CBL: variants seen among roughly 807,000 people sequenced by gnomAD.
CBL encodes the protein E3 ubiquitin-protein ligase CBL.
In CBL, 45 loss-of-function variants were observed where a neutral mutation model predicts 96.9. The observed-to-expected ratio is 0.46, with a 90% CI of 0.37 to 0.60. The LOEUF is 0.60. CBL is among the 20% of genes least tolerant of loss of function. The pLI is 0.00. For missense variants in CBL, 1,024 were observed against 1,143.5 expected (o/e 0.90, Z 1.51); for synonymous variants, 420 against 426.8 (o/e 0.98, Z 0.20).
At chr11:119,292,674 C>G (rs1165822720) in intron 12 of CBL, among the ~76,000 whole-genome samples, 1 of 152,192 alleles carries the variant, frequency 6.6e-6, no homozygotes, top group Non-Finnish European at 1.5e-5. Context: ...CCCGCCTTGG[C>G]CTCCCAAAGT....
At position 119,210,603 on chromosome 11, in the gene CBL, A is replaced by ATTT. The variant is rs768564444; in HGVS notation, c.195+4014_195+4016dup. Among the ~76,000 whole-genome samples the ATTT allele has an allele frequency of 4.6e-3, 456 of 98,622 alleles. 2 individuals are homozygous for ATTT. The highest frequency in any genetic ancestry group is 6.5e-3 in the Non-Finnish European group (341 of 52,444). The allele number at this position is 98,622 out of a possible 152,430, so 64.7% of individuals were successfully genotyped here. On this transcript the variant is annotated intron_variant, in intron 1 of 15. Transcript: ENST00000264033. ...GCCACCACACCTGGCTAATTTTTCAATTTTTTTTTTTTTTTTTTTTTTTTT... is the reference window on the plus strand; with the variant it reads ...GCCACCACACCTGGCTAATTTTTCAATTTTTTTTTTTTTTTTTTTTTTTTTTTT...
intron 2 of CBL, among the ~76,000 whole-genome samples, chr11:119,255,491 T>C (rs942626874): frequency 2.6e-5 from 4 of 152,214 alleles, no homozygotes; most frequent in African/African-American, 9.7e-5. Context: ...TTTGCAAAGT[T>C]AAACCATCCT....
intron 2 of CBL, among the ~76,000 whole-genome samples, chr11:119,267,209 C>G (rs188241191): frequency 8.5e-5 from 13 of 152,158 alleles, no homozygotes; most frequent in African/African-American, 2.4e-4. Flanking sequence ...GAAATGTAAG[C>G]AGGCTTTTTG....
chr11:119,230,100 T>C (rs1188634947), intron 1 of CBL, among the ~76,000 whole-genome samples: 1 of 152,004 alleles, frequency 6.6e-6, no homozygotes, highest in Non-Finnish European at 1.5e-5. Flanking sequence ...TATTTAAATA[T>C]CTCAAAAAAG....
At chr11:119,258,058 G>A (rs57550282) in intron 2 of CBL, among the ~76,000 whole-genome samples, 7 of 151,890 alleles carry the variant, frequency 4.6e-5, no homozygotes, top group Non-Finnish European at 7.4e-5. Flanking sequence ...GAAACCCCCT[G>A]TCTACCAAAA....
chr11:119,208,536 C>T (rs568532435), intron 1 of CBL, among the ~76,000 whole-genome samples: 8 of 151,818 alleles, frequency 5.3e-5, no homozygotes, highest in South Asian at 2.1e-4. Context: ...ATTACAGGTG[C>T]GCGCCACCAC....
intron 2 of CBL, among the ~76,000 whole-genome samples, chr11:119,246,605 C>T (rs1949633842): frequency 6.6e-6 from 1 of 152,154 alleles, no homozygotes; most frequent in Non-Finnish European, 1.5e-5. Context: ...ACGTGTGCCA[C>T]CACACCTGGC....
intron 2 of CBL, among the ~76,000 whole-genome samples, chr11:119,240,424 T>A (rs1949577020): frequency 6.6e-6 from 1 of 152,246 alleles, no homozygotes; most frequent in Non-Finnish European, 1.5e-5. Flanking sequence ...TCTCTTTGAT[T>A]CTTCTGGTAT....
At position 119,278,239 on chromosome 11, in the gene CBL, A is replaced by T. The variant is rs763058208; in HGVS notation, c.1169A>T (p.Asp390Val). Reference sequence around the variant, plus strand: ...AAAATATGTGCTGAAAATGATAAGGATGTAAAGATTGAGCCCTGTGGACAC... The same window carrying T: ...AAAATATGTGCTGAAAATGATAAGGTTGTAAAGATTGAGCCCTGTGGACAC... ...LCKICAENDK[D>V]VKIEPCGHLM... is the part of the protein sequence containing the mutation. The change falls in exon 8 of 16, where the codon GAT becomes GTT. Residue 390 changes from aspartate to valine, a missense_variant. Asp to Val is a radical substitution (Grantham distance 152). Transcript: ENST00000264033. 6.2e-7 allele frequency: 1 copy of T among 1,613,256 alleles called. No homozygotes were observed. The highest frequency in any genetic ancestry group is 8.5e-7 in the Non-Finnish European group (1 of 1,179,260).
intron 2 of CBL, among the ~76,000 whole-genome samples, chr11:119,251,767 A>G (rs537533051): frequency 7.9e-5 from 12 of 152,334 alleles, no homozygotes; most frequent in African/African-American, 2.9e-4. Context: ...CTACGGTATT[A>G]TAGAGAAGTA....
chr11:119,252,768 A>G (rs1227873551), intron 2 of CBL, among the ~76,000 whole-genome samples: 6 of 84 alleles, frequency 0.071, no homozygotes, highest in African/African-American at 0.25. Flanking sequence ...AATCTCAGCT[A>G]CTTGGGAGGG....
Position 119,301,553 on chromosome 11 carries a change from A to G in CBL, c.*1772A>G, listed in dbSNP as rs1950101939. ...TTCTTTCCAGTCTAATCATCTTTGG[A>G]ACTAAAACTTGTTCTAACTCGTCTC... On this transcript the variant is annotated 3_prime_UTR_variant, in exon 16 of 16. Transcript: ENST00000264033. The G allele has an allele frequency of 8.6e-6, 2 of 233,280 alleles. No homozygotes were observed. Among genetic ancestry groups the G allele is most frequent in the Non-Finnish European group, 1.7e-5 (2 of 118,040 alleles). 14.5% of individuals were successfully genotyped at this position (233,280 alleles called of 1,614,324 possible).
At position 119,299,585 on chromosome 11, in the gene CBL, A is replaced by G; in HGVS notation, c.2525A>G (p.Gln842Arg). 1 of 1,614,188 alleles carries G rather than the reference A, an allele frequency of 6.2e-7. No homozygotes were observed. The highest frequency in any genetic ancestry group is 8.5e-7 in the Non-Finnish European group (1 of 1,180,016). The change falls in exon 16 of 16, where the codon CAA becomes CGA. Residue 842 changes from glutamine to arginine, a missense_variant. Gln to Arg is a conservative substitution (Grantham distance 43). Around this residue, in one of 4 missense-constraint regions of CBL, gnomAD observed 695 missense variants for 661.6 expected, o/e 1.05. Transcript: ENST00000264033. ...GAACGGAAAGCTGGCAGCTGTCAGCAAGGTAGTGGTCCTGCCGCCTCTGCT... is the reference window on the plus strand; with the variant it reads ...GAACGGAAAGCTGGCAGCTGTCAGCGAGGTAGTGGTCCTGCCGCCTCTGCT... ...NSERKAGSCQ[Q>R]GSGPAASAAT...
chr11:119,296,724 G>T (rs1400614352), intron 12 of CBL, among the ~76,000 whole-genome samples, 194 bp from the exon 13 acceptor site: 2 of 152,196 alleles, frequency 1.3e-5, no homozygotes, highest in African/African-American at 4.8e-5. Flanking sequence ...CCTTTGGTCA[G>T]TTGAAAGTGA....
Position 119,297,044 on chromosome 11 carries a change from C to A in CBL, c.2153+10C>A, listed in dbSNP as rs745316113. 7.0e-7 allele frequency: 1 copy of A among 1,429,806 alleles called. No individual in the cohort carries two copies. The highest frequency in any genetic ancestry group is 9.9e-7 in the Non-Finnish European group (1 of 1,011,338). The allele number at this position is 1,429,806 out of a possible 1,614,324, so 88.6% of individuals were successfully genotyped here. ...CATCCCAGAGTTCACGGTAGGTTCA[C>A]AACAACCCTTTTTGGGCCCTATACC... On this transcript the variant is annotated intron_variant, in intron 13 of 15. Coordinates refer to ENST00000264033, the MANE Select transcript of CBL (RefSeq NM_005188.4).
At position 119,303,136 on chromosome 11, in the gene CBL, A is replaced by G. The variant is rs1170320911; in HGVS notation, c.*3355A>G. 1 of 231,820 alleles carries G rather than the reference A, an allele frequency of 4.3e-6. No homozygotes were observed. Among genetic ancestry groups the G allele is most frequent in the African/African-American group, 2.2e-5 (1 of 45,244 alleles). 14.4% of individuals were successfully genotyped at this position (231,820 alleles called of 1,614,324 possible). ...ATTTTTATAACAAAATTTCCTTGTA[A>G]AAACTAGGGACCATCTATATATTCC... On this transcript the variant is annotated 3_prime_UTR_variant, in exon 16 of 16. Transcript: ENST00000264033.
intron 2 of CBL, among the ~76,000 whole-genome samples, chr11:119,250,608 G>A (rs1406349521): frequency 1.3e-5 from 2 of 152,138 alleles, no homozygotes; most frequent in East Asian, 1.9e-4. Flanking sequence ...TGCCTTATTT[G>A]TTTTCCTTTT....
chr11:119,257,650 A>G (rs568458379), intron 2 of CBL, among the ~76,000 whole-genome samples: 51 of 152,132 alleles, frequency 3.4e-4, no homozygotes, highest in Non-Finnish European at 5.4e-4. Flanking sequence ...AGTTTTTCCT[A>G]GGTTTTCTTC....
In CBL at chr11:119,276,033, G is replaced by A. The variant is rs2135301494; in HGVS notation, c.906G>A (p.Gln302=). 6.2e-7 allele frequency: 1 copy of A among 1,614,060 alleles called. No homozygotes were observed. Among genetic ancestry groups the A allele is most frequent in the Non-Finnish European group, 8.5e-7 (1 of 1,179,904 alleles). Residue 302 remains glutamine, a synonymous_variant, in exon 6 of 16, where the codon CAG becomes CAA. Coordinates refer to ENST00000264033, the MANE Select transcript of CBL (RefSeq NM_005188.4). ...IFRLSCTRLG[Q]WAIGYVTADG... ...GGCTGAGCTGTACTCGTCTGGGTCA[G>A]TGGGCTATTGGGTATGTTACTGCTG...
Sources: gnomAD v4.1 joint callset for allele counts (sites outside exome capture counted in the v4.1 genomes callset) on GRCh38, gnomAD v4.1.1 for gene constraint, gnomAD v4.1.1 regional missense constraint, MANE v1.5 for transcripts, NCBI Gene and HGNC (gene_info 2026-07-23, HGNC 2026-07-21) for gene names.